ZNF737: variants seen among roughly 807,000 people sequenced by gnomAD.
ZNF737 encodes the protein zinc finger protein 102 (Y3).
ZNF737 carries 13 observed loss-of-function variants against 11.7 expected under a neutral mutation model. That is an observed-to-expected ratio of 1.11 (90% CI 0.73 to 1.77). The LOEUF (loss-of-function observed/expected upper bound fraction) is 1.77, where lower values mean the gene tolerates loss of function less well. ZNF737 is among the 40% of genes most tolerant of loss of function. ZNF737 has a pLI of 0.00. For missense variants in ZNF737, 636 were observed against 638.0 expected, an observed-to-expected ratio of 1.00 and a Z score of 0.03; for synonymous variants, 217 against 216.2, an observed-to-expected ratio of 1.00 and a Z score of -0.03.
chr19:20,536,835 C>T (rs372770754), downstream of ZNF737, among the ~76,000 whole-genome samples: 7 of 151,974 alleles, frequency 4.6e-5, no homozygotes, highest in African/African-American at 1.7e-4. Context: ...CCCAGCTACG[C>T]AGGAGGTTGA....
At position 20,545,011 on chromosome 19, in the gene ZNF737, T is replaced by C. The variant is rs1177828062; in HGVS notation, c.1192A>G (p.Lys398Glu). Residue 398 changes from lysine to glutamate, a missense_variant, in exon 4 of 4, where the codon AAA (lysine) becomes GAA (glutamate). Physicochemically the swap from Lys to Glu is moderately conservative, Grantham distance 56. Transcript: ENST00000427401. ...KRIHTGEKPYKCEECGEAFKY... is the reference protein window; with the variant it reads ...KRIHTGEKPYECEECGEAFKY... Reference sequence around the variant, plus strand: ...AAGGCTTCGCCACATTCTTCACATTTGTAGGGTTTCTCTCCAGTATGAATT... The same window carrying C: ...AAGGCTTCGCCACATTCTTCACATTCGTAGGGTTTCTCTCCAGTATGAATT... The C allele has an allele frequency of 9.9e-6, 16 of 1,613,796 alleles. No individual in the cohort carries two copies. The highest frequency in any genetic ancestry group is 1.3e-5 in the Non-Finnish European group (15 of 1,179,972).
At position 20,537,999 on chromosome 19, in the gene ZNF737, T is replaced by TATA. The variant is rs1248207319; in HGVS notation, c.*6590_*6592dup. 3.2e-6 allele frequency: 3 copies of TATA among 938,258 alleles called. No individual in the cohort carries two copies. The African/African-American group carries it at 5.3e-5, about 17-fold the overall frequency. 58.1% of individuals were successfully genotyped at this position (938,258 alleles called of 1,614,324 possible). A position where few individuals can be genotyped will look rare whatever the true frequency, so the allele number is the denominator to read the frequency against. On this transcript the variant is annotated 3_prime_UTR_variant, in exon 4 of 4. Coordinates refer to ENST00000427401, the MANE Select transcript of ZNF737 (RefSeq NM_001159293.2). ...AGCTTTTCTGAGGCAGAGTAAGATTTATAACATTTTATTATCATATGGAAG... is the reference window on the plus strand; with the variant it reads ...AGCTTTTCTGAGGCAGAGTAAGATTTATAATAACATTTTATTATCATATGGAAG...
At chr19:20,563,992 CCT>C (rs1487673664) in intron 1 of ZNF737, 4 of 151,798 alleles carry the variant, frequency 2.6e-5, no homozygotes, top group African/African-American at 9.7e-5. Flanking sequence ...GTTGAAACCC[CCT>C]CTCTACTTAA....
chr19:20,559,539 C>T (rs1194051253), intron 1 of ZNF737, among the ~76,000 whole-genome samples: 10 of 151,810 alleles, frequency 6.6e-5, no homozygotes, highest in Admixed American at 1.3e-4. Context: ...AAAACAACAA[C>T]GAGATATCAC....
intron 1 of ZNF737, among the ~76,000 whole-genome samples, chr19:20,554,280 A>G (rs1968804370): frequency 6.6e-6 from 1 of 152,198 alleles, no homozygotes; most frequent in African/African-American, 2.4e-5. Flanking sequence ...TGAATTTCTA[A>G]CAAGCTCACC....
chr19:20,561,435 C>G (rs1555762426), intron 1 of ZNF737, among the ~76,000 whole-genome samples: 1 of 152,050 alleles, frequency 6.6e-6, no homozygotes, highest in African/African-American at 2.4e-5. Flanking sequence ...GTGGTGGCAG[C>G]TGTGGGAAAA....
the ZNF737 span, among the ~76,000 whole-genome samples, chr19:20,530,315 AC>A: frequency 1.3e-5 from 1 of 75,512 alleles, no homozygotes; most frequent in Middle Eastern, 0.014. Flanking sequence ...CGGGGGGCTG[AC>A]CCCCCACCTC....
At chr19:20,531,031 G>T (rs1967812405), downstream of ZNF737, among the ~76,000 whole-genome samples, 1 of 147,182 alleles carries the variant, frequency 6.8e-6, no homozygotes, top group Admixed American at 6.7e-5. Context: ...CTGGAGACTA[G>T]CCCGGCCAAC....
In ZNF737 at chr19:20,545,842, C is replaced by T; in HGVS notation, c.361G>A (p.Asp121Asn). Residue 121 changes from aspartate to asparagine, a missense_variant, in exon 4 of 4, where the codon GAT (aspartate) becomes AAT (asparagine). By Grantham distance (23) the Asp-to-Asn change is conservative. Transcript: ENST00000427401. ...CCTCTTTTGTGCACCTTACACTCAT[C>T]TACACTTTCACAGCCCTTTTTAAAC... ...LQFKKGCESV[D>N]ECKVHKRGYN... is the part of the protein sequence containing the mutation. The T allele has an allele frequency of 6.2e-7, 1 of 1,613,730 alleles. No individual in the cohort carries two copies.
In ZNF737 at chr19:20,543,436, T is replaced by G; in HGVS notation, c.*1156A>C. ...TTAAAGGCTTATACTTGCTGAAAGT[T>G]TTGACAGTAATTGCCATTTTAATGC... On this transcript the variant is annotated 3_prime_UTR_variant, in exon 4 of 4. Transcript: ENST00000427401. 1 of 986,122 alleles carries G rather than the reference T, an allele frequency of 1.0e-6. No homozygotes were observed. 61.1% of individuals were successfully genotyped at this position (986,122 alleles called of 1,614,324 possible).
In ZNF737 at chr19:20,542,766, CATA is replaced by C. The variant is rs376870452; in HGVS notation, c.*1823_*1825del. 7.1e-5 allele frequency: 70 copies of C among 984,998 alleles called. No individual in the cohort carries two copies. The East Asian group carries it at 4.1e-3, about 58-fold the overall frequency. 61.0% of individuals were successfully genotyped at this position (984,998 alleles called of 1,614,324 possible). On this transcript the variant is annotated 3_prime_UTR_variant, in exon 4 of 4. Coordinates refer to ENST00000427401, the MANE Select transcript of ZNF737 (RefSeq NM_001159293.2). ...GTTCTTACTATTTTATAGAAAAAGT[CATA>C]ATGTCCAAATAATGTAAAAAAATCG...
chr19:20,532,565 G>A (rs1555753089), downstream of ZNF737, among the ~76,000 whole-genome samples: 1 of 149,232 alleles, frequency 6.7e-6, no homozygotes, highest in African/African-American at 2.5e-5. Context: ...GTCAGCTACT[G>A]AGCTCAGTGA....
In ZNF737 at chr19:20,544,182, G is replaced by A. The variant is rs1429223609; in HGVS notation, c.*410C>T. 5.9e-6 allele frequency: 6 copies of A among 1,010,120 alleles called. No individual in the cohort carries two copies. In the African/African-American group the frequency reaches 7.0e-5, roughly 12 times the overall value. The allele number at this position is 1,010,120 out of a possible 1,614,324, so 62.6% of individuals were successfully genotyped here. On this transcript the variant is annotated 3_prime_UTR_variant, in exon 4 of 4. Coordinates refer to ENST00000427401, the MANE Select transcript of ZNF737 (RefSeq NM_001159293.2). The stretch of plus-strand genomic sequence containing the variant: ...AGGATTTGCCACATTCCTCAAACTT[G>A]TAGGATTTTTGTCCAGCATGAATTA...
chr19:20,547,158 G>A (rs1968482734), intron 3 of ZNF737, among the ~76,000 whole-genome samples: 1 of 151,980 alleles, frequency 6.6e-6, no homozygotes, highest in African/African-American at 2.4e-5. Flanking sequence ...GAGGCAGGTG[G>A]ATCACGAGGT....
At chr19:20,554,436 A>G (rs1968809792) in intron 1 of ZNF737, among the ~76,000 whole-genome samples, 1 of 152,222 alleles carries the variant, frequency 6.6e-6, no homozygotes, top group African/African-American at 2.4e-5. Context: ...AAAATTAAGA[A>G]AAAAGGACAA....
At position 20,538,394 on chromosome 19, in the gene ZNF737, T is replaced by C. The variant is rs1016094074; in HGVS notation, c.*6198A>G. Among the ~76,000 whole-genome samples the C allele has an allele frequency of 2.4e-4, 36 of 152,194 alleles. No individual in the cohort carries two copies. Among genetic ancestry groups the C allele is most frequent in the African/African-American group, 8.4e-4 (35 of 41,430 alleles). Reference sequence around the variant, plus strand: ...TCCTTCCTTTGTTCTCCTCTGCCTTTGTCTCTTTTAAAAAGTTCTAAGTTG... The same window carrying C: ...TCCTTCCTTTGTTCTCCTCTGCCTTCGTCTCTTTTAAAAAGTTCTAAGTTG... On this transcript the variant is annotated 3_prime_UTR_variant, in exon 4 of 4. Coordinates refer to ENST00000427401, the MANE Select transcript of ZNF737 (RefSeq NM_001159293.2).
chr19:20,536,936 C>T (rs1555753985), downstream of ZNF737, among the ~76,000 whole-genome samples: 7 of 151,660 alleles, frequency 4.6e-5, no homozygotes, highest in Admixed American at 2.0e-4. Flanking sequence ...AAGTAAGACT[C>T]CTCTCAAAAC....
At position 20,551,972 on chromosome 19, in the gene ZNF737, A is replaced by G. The variant is rs1968691670; in HGVS notation, c.226+503T>C. On this transcript the variant is annotated intron_variant, in intron 3 of 3. Transcript: ENST00000427401. ...ATAGCCAAAGCAATCTTGAAAAAAA[A>G]AAAGAACAAAGCAGAAGGATATCAT... 2.0e-5 allele frequency among the ~76,000 whole-genome samples: 3 copies of G among 151,892 alleles called. No homozygotes were observed. In the South Asian group the frequency reaches 6.2e-4, roughly 31 times the overall value.
At position 20,545,412 on chromosome 19, in the gene ZNF737, T is replaced by C. The variant is rs1350075056; in HGVS notation, c.791A>G (p.Lys264Arg). The C allele has an allele frequency of 1.2e-6, 2 of 1,613,798 alleles. No individual in the cohort carries two copies. Among genetic ancestry groups the C allele is most frequent in the Middle Eastern group, 1.7e-4 (1 of 6,058 alleles). Residue 264 changes from lysine to arginine, a missense_variant, in exon 4 of 4, where the codon AAG becomes AGG. By Grantham distance (26) the Lys-to-Arg change is conservative. Coordinates refer to ENST00000427401, the MANE Select transcript of ZNF737 (RefSeq NM_001159293.2). ...AAGGTTAGAGGAGCGCTTAAAGGCCTTGCCACATTCTTCACATTTGTAGGG... is the reference window on the plus strand; with the variant it reads ...AAGGTTAGAGGAGCGCTTAAAGGCCCTGCCACATTCTTCACATTTGTAGGG... Reference protein sequence around the residue: ...EKPYKCEECGKAFKRSSNLTT... With the variant: ...EKPYKCEECGRAFKRSSNLTT...
Sources: allele counts gnomAD v4.1 joint callset (sites outside exome capture counted in the v4.1 genomes callset), GRCh38; gene constraint gnomAD v4.1.1; transcripts MANE v1.5; gene names NCBI Gene and HGNC (gene_info 2026-07-23, HGNC 2026-07-21).